The following PCDHGB3 variants were observed in gnomAD, a reference collection of about 807,000 sequenced individuals.
PCDHGB3 encodes the protein protocadherin gamma subfamily B, 3, also known as protocadherin gamma-B3.
Under a neutral mutation model 59.2 loss-of-function variants are expected in PCDHGB3, and 40 were observed. The ratio of observed to expected loss-of-function variants is 0.68; its 90% CI spans 0.52 to 0.88. The LOEUF (loss-of-function observed/expected upper bound fraction) is 0.88. Among genes scored for constraint, PCDHGB3 ranks in the 40% least tolerant of loss-of-function variants. The pLI is 0.00. For synonymous variants in PCDHGB3, 581 were observed against 503.6 expected, an observed-to-expected ratio of 1.15 and a Z score of -2.06; for missense variants, 1,309 against 1,187.9, an observed-to-expected ratio of 1.10 and a Z score of -1.50.
At chr5:141,385,196 G>A (rs760255338) in intron 1 of PCDHGB3, 3 of 1,614,230 alleles carry the variant, frequency 1.9e-6, no homozygotes, top group Non-Finnish European at 2.5e-6. Context: ...TCTCGGAAGA[G>A]TCACCTGATC....
At chr5:141,497,079 C>T (rs564690352) in intron 2 of PCDHGB3, among the ~76,000 whole-genome samples, 2 of 151,982 alleles carry the variant, frequency 1.3e-5, no homozygotes, top group African/African-American at 4.8e-5. Flanking sequence ...ATCCCAGCGA[C>T]TTAGGAGGCT....
At chr5:141,445,782 G>A (rs530081823) in intron 1 of PCDHGB3, among the ~76,000 whole-genome samples, 1 of 152,310 alleles carries the variant, frequency 6.6e-6, no homozygotes, top group East Asian at 1.9e-4. Flanking sequence ...AAGGGCTAGG[G>A]AGGCTAGAAA....
At chr5:141,430,641 T>C (rs1332550435) in intron 1 of PCDHGB3, 2 of 902,672 alleles carry the variant, frequency 2.2e-6, no homozygotes, top group East Asian at 5.4e-5. Flanking sequence ...TCCCTGGGAG[T>C]ATGTGGAAAC....
chr5:141,471,631 G>A (rs573080972), intron 1 of PCDHGB3: 7 of 152,188 alleles, frequency 4.6e-5, no homozygotes, highest in African/African-American at 9.6e-5. Flanking sequence ...CATTGGTATG[G>A]ATTAGTAATA....
chr5:141,408,974 G>C lies in PCDHGB3; in HGVS notation c.2415+36165G>C, dbSNP rs899313364. 8.7e-6 allele frequency: 14 copies of C among 1,613,690 alleles called. No individual in the cohort carries two copies. In the African/African-American group the frequency reaches 1.9e-4, roughly 22 times the overall value. On this transcript the variant is annotated intron_variant, in intron 1 of 3. Transcript: ENST00000576222. ...TAGTCTTAGTGAAAATCTGCCCCCT[G>C]GGTCCCCTGTGTTGCAAGTGACAGC...
chr5:141,376,111 C>T (rs1772297221), intron 1 of PCDHGB3: 1 of 1,613,704 alleles, frequency 6.2e-7, no homozygotes, highest in Admixed American at 1.7e-5. Flanking sequence ...CCGACCTGGG[C>T]AGCCTCGAGC....
intron 1 of PCDHGB3, among the ~76,000 whole-genome samples, chr5:141,444,473 G>A (rs943971075): frequency 2.6e-5 from 4 of 151,972 alleles, no homozygotes; most frequent in Admixed American, 6.6e-5. Flanking sequence ...GCCCGGTCGC[G>A]TACTGGATTT....
rs370015318 is a variant in PCDHGB3 at position 141,371,900 on chromosome 5, G to A, written c.1506G>A (p.Ser502=). 5 of 1,613,260 alleles carry A rather than the reference G, an allele frequency of 3.1e-6. No homozygotes were observed. In the African/African-American group the frequency reaches 5.3e-5, roughly 17 times the overall value. Residue 502 remains serine, a synonymous_variant, in exon 1 of 4, where the codon TCG becomes TCA. Transcript: ENST00000576222. ...VASDLEPREL[S]SYVSVSARSG... ...GTGACCTGGAGCCGCGGGAGCTGTC[G>A]TCCTACGTGTCCGTGAGCGCGCGGA...
chr5:141,378,002 A>G (rs111381371), intron 1 of PCDHGB3: 1 of 152,236 alleles, frequency 6.6e-6, no homozygotes, highest in Non-Finnish European at 1.5e-5. Flanking sequence ...AGCTTGGCTC[A>G]AATAAGCTCT....
In PCDHGB3 at chr5:141,486,661, G is replaced by T. The variant is rs373446844; in HGVS notation, c.2416-8146G>T. ...CGCTTATCTCCTACTCACTCCTGGA[G>T]CCCAGGAATCGAGATGTATCAGCTT... is the stretch of plus-strand genomic sequence containing the variant. On this transcript the variant is annotated intron_variant, in intron 1 of 3. Transcript: ENST00000576222. The surrounding 1 kb of genome is among the most constrained non-coding windows in gnomAD (Gnocchi z 5.0). 6.2e-6 allele frequency: 10 copies of T among 1,613,836 alleles called. No individual in the cohort carries two copies. Among genetic ancestry groups the T allele is most frequent in the African/African-American group, 4.0e-5 (3 of 74,918 alleles).
chr5:141,388,521 A>T (rs978300482), intron 1 of PCDHGB3: 2 of 1,613,722 alleles, frequency 1.2e-6, no homozygotes, highest in African/African-American at 2.7e-5. Context: ...CTTGACTTTG[A>T]CTGCCTTGGA....
chr5:141,492,691 C>G (rs2099743102), intron 1 of PCDHGB3, among the ~76,000 whole-genome samples: 1 of 152,274 alleles, frequency 6.6e-6, no homozygotes, highest in South Asian at 2.1e-4. Flanking sequence ...TCGGCGACCC[C>G]TCAACCCAGA....
At chr5:141,459,245 C>G (rs1040972875) in intron 1 of PCDHGB3, among the ~76,000 whole-genome samples, 1 of 152,180 alleles carries the variant, frequency 6.6e-6, no homozygotes, top group African/African-American at 2.4e-5. Context: ...TGCTTCCTGT[C>G]ACTATAAATT....
At chr5:141,423,994 A>G (rs2096794168) in intron 1 of PCDHGB3, 17 of 1,081,216 alleles carry the variant, frequency 1.6e-5, no homozygotes, top group Non-Finnish European at 1.8e-5. Flanking sequence ...TCAATTTATT[A>G]TATATAGATA....
In PCDHGB3 at chr5:141,470,146, A is replaced by G. The variant is rs181633492; in HGVS notation, c.2416-24661A>G. On this transcript the variant is annotated intron_variant, in intron 1 of 3. Coordinates refer to ENST00000576222, the MANE Select transcript of PCDHGB3 (RefSeq NM_018924.5). ...TTCGTCTCAAAAAAAAAGATCATAG[A>G]TCATCTTATCAAATCAAAGTATGCA... Among the ~76,000 whole-genome samples, 102 of 152,308 alleles carry G rather than the reference A, an allele frequency of 6.7e-4. 2 individuals carry two copies. Among genetic ancestry groups the G allele is most frequent in the African/African-American group, 2.4e-3 (99 of 41,558 alleles).
At chr5:141,447,834 C>T (rs2098552835) in intron 1 of PCDHGB3, among the ~76,000 whole-genome samples, 1 of 151,844 alleles carries the variant, frequency 6.6e-6, no homozygotes, top group African/African-American at 2.4e-5. Flanking sequence ...GCCTGTAATC[C>T]CAGTGCTTTG....
chr5:141,414,210 T>G (rs1252033650), intron 1 of PCDHGB3: 1 of 1,612,706 alleles, frequency 6.2e-7, no homozygotes, highest in Admixed American at 1.7e-5. Context: ...AAGATGTAAA[T>G]GACAACAGTC....
intron 3 of PCDHGB3, chr5:141,508,084 T>A (rs1422530110): frequency 6.6e-6 from 1 of 152,432 alleles, no homozygotes; most frequent in East Asian, 1.9e-4. Flanking sequence ...CTGGAGTTGC[T>A]GCCTTGGCCC....
intron 1 of PCDHGB3, chr5:141,403,757 C>G (rs1326659106): frequency 6.2e-7 from 1 of 1,613,766 alleles, no homozygotes; most frequent in Non-Finnish European, 8.5e-7. Flanking sequence ...AGCCAGCGAC[C>G]TGGATGAGGG....
Sources: gnomAD v4.1 joint callset for allele counts (sites outside exome capture counted in the v4.1 genomes callset) on GRCh38, gnomAD v4.1.1 for gene constraint, Gnocchi (gnomAD v3.1) non-coding constraint, MANE v1.5 for transcripts, NCBI Gene and HGNC (gene_info 2026-07-23, HGNC 2026-07-21) for gene names.